ACCSL: variants seen among roughly 807,000 people sequenced by gnomAD.
ACCSL encodes the protein probable inactive 1-aminocyclopropane-1-carboxylate synthase-like protein 2.
ACCSL carries 55 observed loss-of-function variants against 61.7 expected under a neutral mutation model. The observed-to-expected ratio is 0.89, with a 90% CI of 0.72 to 1.12. The LOEUF is 1.12. Ranked by LOEUF, ACCSL falls within the 50% of genes most tolerant of loss-of-function variation. The pLI, the probability that ACCSL is intolerant of heterozygous loss-of-function variation, is 0.00. For synonymous variants in ACCSL, 258 were observed against 264.3 expected, an observed-to-expected ratio of 0.98 and a Z score of 0.23; for missense variants, 632 against 698.0, an observed-to-expected ratio of 0.91 and a Z score of 1.07.
the ACCSL span, among the ~76,000 whole-genome samples, chr11:43,942,093 G>A: frequency 6.6e-6 from 1 of 151,894 alleles, no homozygotes; most frequent in East Asian, 2.0e-4. Context: ...CGCGCCTGCG[G>A]AGGGGGGTGG....
the ACCSL span, among the ~76,000 whole-genome samples, chr11:43,971,828 C>T: frequency 6.6e-6 from 1 of 152,196 alleles, no homozygotes. Context: ...ACCAATCGTG[C>T]TGCCTCTACT....
chr11:44,000,911 T>C, the ACCSL span, among the ~76,000 whole-genome samples: 1 of 152,166 alleles, frequency 6.6e-6, no homozygotes, highest in African/African-American at 2.4e-5. Context: ...ACAACTATGC[T>C]ATAAGCCCAT....
chr11:43,929,471 G>A, the ACCSL span, among the ~76,000 whole-genome samples: 4 of 152,046 alleles, frequency 2.6e-5, no homozygotes, highest in African/African-American at 4.8e-5. Context: ...GAAGTGGCAC[G>A]ATCTTGGCCC....
the ACCSL span, chr11:43,943,799 CATTT>C: frequency 7.7e-6 from 10 of 1,303,180 alleles, no homozygotes; most frequent in Non-Finnish European, 1.0e-5. This position sits in a 1 kb window ranked among gnomAD's most constrained non-coding sequence, Gnocchi z 4.8. Context: ...TGGCTGAAGG[CATTT>C]ATTTAACGAT....
At chr11:43,976,702 T>G in the ACCSL span, among the ~76,000 whole-genome samples, 1 of 152,146 alleles carries the variant, frequency 6.6e-6, no homozygotes, top group Non-Finnish European at 1.5e-5. Context: ...TCTGTAGATG[T>G]TTTCCTGGGC....
At chr11:43,964,218 C>T in the ACCSL span, among the ~76,000 whole-genome samples, 2 of 151,918 alleles carry the variant, frequency 1.3e-5, no homozygotes, top group African/African-American at 2.4e-5. Flanking sequence ...CTGAGGTGGG[C>T]GGATCATGAG....
At chr11:44,031,506 T>G in the ACCSL span, among the ~76,000 whole-genome samples, 1 of 152,192 alleles carries the variant, frequency 6.6e-6, no homozygotes. Flanking sequence ...GAATCTTAGC[T>G]TTCCCACTGG....
the ACCSL span, among the ~76,000 whole-genome samples, chr11:43,951,246 C>A: frequency 6.6e-6 from 1 of 152,186 alleles, no homozygotes; most frequent in African/African-American, 2.4e-5. Context: ...GAAGCAAAAG[C>A]CACCTGCCTT....
the ACCSL span, chr11:43,926,571 C>T: frequency 2.3e-6 from 1 of 442,764 alleles, no homozygotes; most frequent in African/African-American, 2.0e-5. Flanking sequence ...GAAAGGAAGA[C>T]ACAGTGCCTT....
chr11:43,953,851 G>T, the ACCSL span, among the ~76,000 whole-genome samples: 1 of 152,100 alleles, frequency 6.6e-6, no homozygotes, highest in Non-Finnish European at 1.5e-5. Context: ...CTCTGCCTAT[G>T]GTGTAGCCGT....
chr11:43,968,526 A>G, the ACCSL span, among the ~76,000 whole-genome samples: 1 of 152,180 alleles, frequency 6.6e-6, no homozygotes, highest in African/African-American at 2.4e-5. Flanking sequence ...CATCCAGGAA[A>G]AGAAGAAGAT....
the ACCSL span, among the ~76,000 whole-genome samples, chr11:43,981,860 C>T: frequency 6.6e-6 from 1 of 152,204 alleles, no homozygotes; most frequent in African/African-American, 2.4e-5. Flanking sequence ...CTCTCCCCGC[C>T]CAGGGCAACT....
the ACCSL span, among the ~76,000 whole-genome samples, chr11:43,958,730 G>C: frequency 4.6e-5 from 7 of 152,110 alleles, no homozygotes; most frequent in Admixed American, 2.6e-4. Flanking sequence ...CATCAGTGTG[G>C]AGTCTTTTGA....
chr11:44,050,265 A>G, intron 2 of ACCSL, 144 bp downstream of exon 2: 2 of 754,206 alleles, frequency 2.7e-6, no homozygotes, highest in Non-Finnish European at 4.6e-6. Context: ...TAGCACATTT[A>G]ACCTCCTGGC....
the ACCSL span, among the ~76,000 whole-genome samples, chr11:44,036,230 C>T: frequency 1.3e-5 from 2 of 152,220 alleles, no homozygotes; most frequent in Non-Finnish European, 1.5e-5. Flanking sequence ...TCACCTCATA[C>T]AACCTAGAGA....
the ACCSL span, among the ~76,000 whole-genome samples, chr11:43,927,547 CGG>C: frequency 6.6e-6 from 1 of 152,224 alleles, no homozygotes; most frequent in African/African-American, 2.4e-5. Flanking sequence ...TACAGTTAAA[CGG>C]AGGCACAGCT....
chr11:43,944,715 T>TC, the ACCSL span: 1 of 152,356 alleles, frequency 6.6e-6, no homozygotes, highest in African/African-American at 2.4e-5. Flanking sequence ...TTCAGCCACT[T>TC]CCCGAATCCC....
chr11:43,959,710 A>G, the ACCSL span, among the ~76,000 whole-genome samples: 2 of 152,080 alleles, frequency 1.3e-5, no homozygotes, highest in East Asian at 1.9e-4. Context: ...TGGTAAACCT[A>G]TCCTAGAATC....
chr11:44,035,121 T>C, the ACCSL span, among the ~76,000 whole-genome samples: 1 of 152,270 alleles, frequency 6.6e-6, no homozygotes, highest in African/African-American at 2.4e-5. Flanking sequence ...TTTGCCCAAC[T>C]ATCCTACCTA....
Sources: gnomAD v4.1 joint callset for allele counts (sites outside exome capture counted in the v4.1 genomes callset) on GRCh38, gnomAD v4.1.1 for gene constraint, Gnocchi (gnomAD v3.1) non-coding constraint, MANE v1.5 for transcripts, NCBI Gene and HGNC (gene_info 2026-07-23, HGNC 2026-07-21) for gene names.